The following PDZRN3 variants were observed in gnomAD, a reference collection of about 807,000 sequenced individuals.
PDZRN3 encodes the protein E3 ubiquitin-protein ligase PDZRN3.
PDZRN3 carries 38 observed loss-of-function variants against 85.7 expected under a neutral mutation model. The ratio of observed to expected loss-of-function variants is 0.44; its 90% CI spans 0.34 to 0.58. The LOEUF is 0.58. Among genes scored for constraint, PDZRN3 ranks in the 20% least tolerant of loss-of-function variants. The pLI is 0.01. For synonymous variants in PDZRN3, 759 were observed against 638.0 expected, an observed-to-expected ratio of 1.19 and a Z score of -2.86; for missense variants, 1,629 against 1,506.4, an observed-to-expected ratio of 1.08 and a Z score of -1.35.
chr3:73,576,620 C>G (rs1702127555), intron 3 of PDZRN3, among the ~76,000 whole-genome samples: 1 of 152,190 alleles, frequency 6.6e-6, no homozygotes, highest in Non-Finnish European at 1.5e-5. Flanking sequence ...TCAAGACAAG[C>G]ATCACCACCA....
intron 3 of PDZRN3, among the ~76,000 whole-genome samples, chr3:73,528,645 A>G (rs1704579496): frequency 6.6e-6 from 1 of 152,194 alleles, no homozygotes; most frequent in Admixed American, 6.5e-5. Flanking sequence ...TTATATTCAC[A>G]GCCATGTTGT....
At chr3:73,584,825 T>C (rs1702255971) in intron 3 of PDZRN3, among the ~76,000 whole-genome samples, 1 of 152,200 alleles carries the variant, frequency 6.6e-6, no homozygotes, top group Non-Finnish European at 1.5e-5. Context: ...CAGCTAAGTA[T>C]GCAGAGAGCT....
chr3:73,590,223 C>A (rs369396762), intron 3 of PDZRN3, among the ~76,000 whole-genome samples: 1 of 143,548 alleles, frequency 7.0e-6, no homozygotes, highest in Admixed American at 7.2e-5. Context: ...GAGCTGAGAT[C>A]GCACCACTGC....
At chr3:73,526,888 G>A (rs960565279) in intron 3 of PDZRN3, among the ~76,000 whole-genome samples, 2 of 151,758 alleles carry the variant, frequency 1.3e-5, no homozygotes. Flanking sequence ...TGTTCTTGTC[G>A]CCCAGGGTGG....
At chr3:73,476,475 T>C (rs538940073) in intron 3 of PDZRN3, among the ~76,000 whole-genome samples, 30 of 152,046 alleles carry the variant, frequency 2.0e-4, no homozygotes, top group Non-Finnish European at 1.9e-4. Context: ...CCCTTCAACA[T>C]TGGGGTTTAC....
At chr3:73,458,129 G>A (rs1171335660) in intron 3 of PDZRN3, among the ~76,000 whole-genome samples, 1 of 152,126 alleles carries the variant, frequency 6.6e-6, no homozygotes, top group Non-Finnish European at 1.5e-5. Flanking sequence ...TCCCTTGAAG[G>A]ATTCTGAGCA....
chr3:73,547,138 C>T (rs766974280), intron 3 of PDZRN3, among the ~76,000 whole-genome samples: 2 of 152,150 alleles, frequency 1.3e-5, no homozygotes, highest in Non-Finnish European at 2.9e-5. Flanking sequence ...AATGGCTTTC[C>T]ATAATTCATC....
chr3:73,547,122 C>T (rs979974053), intron 3 of PDZRN3, among the ~76,000 whole-genome samples: 3 of 152,158 alleles, frequency 2.0e-5, no homozygotes, highest in Non-Finnish European at 4.4e-5. Flanking sequence ...GAATACTAAG[C>T]TCTTGAATGG....
At chr3:73,474,522 T>A (rs1257684527) in intron 3 of PDZRN3, 1 of 1,288,274 alleles carries the variant, frequency 7.8e-7, no homozygotes, top group Non-Finnish European at 1.0e-6. Context: ...GATCATCCTC[T>A]TGTGTTCCAT....
intron 3 of PDZRN3, among the ~76,000 whole-genome samples, chr3:73,454,282 CAG>C (rs1035867624): frequency 4.3e-4 from 66 of 152,258 alleles, no homozygotes; most frequent in African/African-American, 1.5e-3. Context: ...GCCAGAGAAC[CAG>C]AGAGTGTAGA....
At chr3:73,507,733 T>TA (rs1438897500) in intron 3 of PDZRN3, among the ~76,000 whole-genome samples, 10 of 152,156 alleles carry the variant, frequency 6.6e-5, no homozygotes, top group Non-Finnish European at 1.5e-5. Flanking sequence ...AGTGGAGATC[T>TA]AAAACTGCAT....
intron 3 of PDZRN3, among the ~76,000 whole-genome samples, chr3:73,489,765 G>T (rs551003053): frequency 7.8e-4 from 119 of 151,948 alleles, no homozygotes; most frequent in South Asian, 1.7e-3. Flanking sequence ...TAGAGATGGT[G>T]TTTCATCAGT....
In PDZRN3 at chr3:73,624,676, GC is replaced by G; in HGVS notation, c.149del (p.Gly50AlafsTer101). The G allele has an allele frequency of 6.5e-7, 1 of 1,527,646 alleles. No homozygotes were observed. 94.6% of individuals were successfully genotyped at this position (1,527,646 alleles called of 1,614,324 possible). A position where few individuals can be genotyped will look rare whatever the true frequency, so the allele number is the denominator to read the frequency against. On this transcript the variant is annotated frameshift_variant, in exon 1 of 10. Coordinates refer to ENST00000263666, the MANE Select transcript of PDZRN3 (RefSeq NM_015009.3). LOFTEE classifies it high-confidence loss of function. ...GACCGCGGCAGCGCGCCGGGCAGCT[GC>G]CCTCCTGCACCACCCAGGGCAGCAC... Reference protein sequence around the residue: ...GCVLPWVVQEGSCPARCRGRL... With the variant: ...GCVLPWVVQEXSCPARCRGRL...
At chr3:73,614,295 G>A (rs1702729231) in intron 1 of PDZRN3, among the ~76,000 whole-genome samples, 1 of 152,084 alleles carries the variant, frequency 6.6e-6, no homozygotes. Flanking sequence ...CCATCTATTG[G>A]CAAAGTCCCT....
intron 3 of PDZRN3, among the ~76,000 whole-genome samples, chr3:73,444,578 A>C (rs533797730): frequency 4.5e-4 from 69 of 152,354 alleles, no homozygotes; most frequent in African/African-American, 1.4e-3. Context: ...CAGCTCAGGG[A>C]ATACAGAAAA....
At chr3:73,418,915 C>G (rs528462241) in intron 3 of PDZRN3, among the ~76,000 whole-genome samples, 188 of 152,246 alleles carry the variant, frequency 1.2e-3, no homozygotes, top group African/African-American at 4.5e-3. Context: ...GGGGACTTGG[C>G]CTGGCCAAAG....
Position 73,383,276 on chromosome 3 carries a change from A to G in PDZRN3, c.*89T>C. The G allele has an allele frequency of 2.4e-6, 3 of 1,230,472 alleles. No individual in the cohort carries two copies. Among genetic ancestry groups the G allele is most frequent in the Non-Finnish European group, 3.4e-6 (3 of 872,386 alleles). 76.2% of individuals were successfully genotyped at this position (1,230,472 alleles called of 1,614,324 possible). A position where few individuals can be genotyped will look rare whatever the true frequency, so the allele number is the denominator to read the frequency against. On this transcript the variant is annotated 3_prime_UTR_variant, in exon 10 of 10. Transcript: ENST00000263666. ...TAAACATGAAGACCGTACTTATCTT[A>G]TATACAAAAACTTGCCGCATTGAAC...
chr3:73,551,886 T>G (rs1701567535), intron 3 of PDZRN3, among the ~76,000 whole-genome samples: 1 of 152,138 alleles, frequency 6.6e-6, no homozygotes, highest in Admixed American at 6.5e-5. Flanking sequence ...ACAAAGGCCA[T>G]TATCCTTCCC....
At chr3:73,399,060 A>T (rs1284890410) in intron 5 of PDZRN3, among the ~76,000 whole-genome samples, 1 of 152,180 alleles carries the variant, frequency 6.6e-6, no homozygotes, top group Non-Finnish European at 1.5e-5. Context: ...GCTCTCACAG[A>T]CAGGAGCATT....
Sources: allele counts gnomAD v4.1 joint callset (sites outside exome capture counted in the v4.1 genomes callset), GRCh38; gene constraint gnomAD v4.1.1; transcripts MANE v1.5; gene names NCBI Gene and HGNC (gene_info 2026-07-23, HGNC 2026-07-21).